Variants in KHDRBS2 observed in about 807,000 individuals in gnomAD.
The protein encoded by KHDRBS2 is KH domain-containing, RNA-binding, signal transduction-associated protein 2.
A neutral mutation model predicts 44.3 loss-of-function variants in KHDRBS2; 26 were observed. That is an observed-to-expected ratio of 0.59 (90% confidence interval 0.43 to 0.81). The LOEUF is 0.81. Among genes scored for constraint, KHDRBS2 ranks in the 40% least tolerant of loss-of-function variants. The probability of loss-of-function intolerance (pLI) is 0.00; values close to 1 mark genes in which losing one functional copy is unlikely to be tolerated. For missense variants in KHDRBS2, 476 were observed against 433.1 expected (o/e 1.10, Z -0.88); for synonymous variants, 194 against 151.1 (o/e 1.28, Z -2.08).
At chr6:62,271,710 A>C (rs1182290696) in intron 1 of KHDRBS2, among the ~76,000 whole-genome samples, 1 of 152,066 alleles carries the variant, frequency 6.6e-6, no homozygotes, top group Non-Finnish European at 1.5e-5. Context: ...GCTGGGTCTT[A>C]TTTAACAAAA....
chr6:61,583,421 A>G, the KHDRBS2 span, among the ~76,000 whole-genome samples: 1 of 151,810 alleles, frequency 6.6e-6, no homozygotes, highest in African/African-American at 2.4e-5. Flanking sequence ...ATATGAATAA[A>G]GCTATTATGA....
intron 6 of KHDRBS2, among the ~76,000 whole-genome samples, chr6:61,737,155 G>T (rs1162059601): frequency 2.0e-5 from 3 of 151,946 alleles, no homozygotes; most frequent in Admixed American, 6.6e-5. Flanking sequence ...TATTTATGAA[G>T]AATATCTTTA....
the KHDRBS2 span, among the ~76,000 whole-genome samples, chr6:61,656,576 G>A: frequency 6.6e-6 from 1 of 151,922 alleles, no homozygotes. Context: ...GTGGTGTGCT[G>A]GTAAACTGGC....
chr6:61,721,992 T>C (rs1419532046), intron 7 of KHDRBS2, among the ~76,000 whole-genome samples: 3 of 149,492 alleles, frequency 2.0e-5, no homozygotes, highest in Non-Finnish European at 3.0e-5. Context: ...GCATGAAGAG[T>C]TGTTGAATTT....
intron 7 of KHDRBS2, among the ~76,000 whole-genome samples, chr6:61,714,023 C>A (rs1770966062): frequency 6.6e-6 from 1 of 151,722 alleles, no homozygotes; most frequent in East Asian, 1.9e-4. Flanking sequence ...GCACAGGTAA[C>A]AAAAACAGAA....
chr6:61,718,540 T>C (rs530861600), intron 7 of KHDRBS2, among the ~76,000 whole-genome samples: 1 of 152,086 alleles, frequency 6.6e-6, no homozygotes, highest in African/African-American at 2.4e-5. Flanking sequence ...GGATGACTAA[T>C]GGCAACACCG....
At chr6:62,009,100 T>C (rs1779813642) in intron 3 of KHDRBS2, among the ~76,000 whole-genome samples, 1 of 152,136 alleles carries the variant, frequency 6.6e-6, no homozygotes, top group Non-Finnish European at 1.5e-5. Context: ...TGGAACTCCC[T>C]AGAGACTTGT....
chr6:61,875,489 C>T (rs965767027), intron 6 of KHDRBS2, among the ~76,000 whole-genome samples: 2 of 152,100 alleles, frequency 1.3e-5, no homozygotes, highest in Non-Finnish European at 2.9e-5. Context: ...TGACACTTTT[C>T]AGAAATTATA....
chr6:61,735,146 T>A (rs1775129846), intron 6 of KHDRBS2, among the ~76,000 whole-genome samples: 1 of 151,980 alleles, frequency 6.6e-6, no homozygotes, highest in East Asian at 1.9e-4. Context: ...TTTTCATTTT[T>A]TTGGTGATAA....
At chr6:62,071,866 A>T (rs1239697050) in intron 2 of KHDRBS2, among the ~76,000 whole-genome samples, 2 of 152,126 alleles carry the variant, frequency 1.3e-5, no homozygotes, top group African/African-American at 4.8e-5. Flanking sequence ...AGTTTTTTCC[A>T]ATTCTGTGAA....
intron 6 of KHDRBS2, among the ~76,000 whole-genome samples, chr6:61,752,601 T>C (rs893093122): frequency 2.0e-5 from 3 of 150,356 alleles, no homozygotes; most frequent in Admixed American, 1.3e-4. Context: ...AAAAACCTAA[T>C]TATTTCACTT....
the KHDRBS2 span, among the ~76,000 whole-genome samples, chr6:61,574,115 T>C: frequency 6.6e-6 from 1 of 152,136 alleles, no homozygotes; most frequent in Non-Finnish European, 1.5e-5. Flanking sequence ...TTACTCCTAC[T>C]GTTAACCCAA....
intron 4 of KHDRBS2, among the ~76,000 whole-genome samples, chr6:61,949,756 T>C (rs1172316662): frequency 6.6e-6 from 1 of 152,042 alleles, no homozygotes. Context: ...AAAAGAATAA[T>C]GCATATCAAC....
At chr6:61,625,073 C>T in the KHDRBS2 span, among the ~76,000 whole-genome samples, 2 of 151,890 alleles carry the variant, frequency 1.3e-5, no homozygotes, top group African/African-American at 2.4e-5. Flanking sequence ...GAGAGGTATG[C>T]GTGTGGAATC....
At chr6:61,820,521 CAGTT>C (rs1450586655) in intron 6 of KHDRBS2, among the ~76,000 whole-genome samples, 3 of 151,948 alleles carry the variant, frequency 2.0e-5, no homozygotes, top group Non-Finnish European at 4.4e-5. Context: ...CTATTTTAAG[CAGTT>C]AGTCAGATTA....
chr6:61,938,306 C>T (rs2127373004), intron 4 of KHDRBS2, among the ~76,000 whole-genome samples: 1 of 152,146 alleles, frequency 6.6e-6, no homozygotes, highest in African/African-American at 2.4e-5. Context: ...AGTTAGAAAT[C>T]TTAACTTGCT....
the KHDRBS2 span, among the ~76,000 whole-genome samples, chr6:61,596,641 T>A: frequency 2.6e-5 from 4 of 152,104 alleles, no homozygotes; most frequent in East Asian, 1.9e-4. Context: ...CTTCTTTTTT[T>A]AATTTAATTT....
intron 3 of KHDRBS2, among the ~76,000 whole-genome samples, chr6:62,033,678 A>T (rs2127294134): frequency 6.6e-6 from 1 of 151,400 alleles, no homozygotes; most frequent in African/African-American, 2.4e-5. Flanking sequence ...GCATATAGAT[A>T]TTATATATGC....
At chr6:61,593,389 G>A in the KHDRBS2 span, among the ~76,000 whole-genome samples, 1 of 151,682 alleles carries the variant, frequency 6.6e-6, no homozygotes. Flanking sequence ...AAAAATTTAG[G>A]ATTTAGTCTA....
Sources: gnomAD v4.1 joint callset for allele counts (sites outside exome capture counted in the v4.1 genomes callset) on GRCh38, gnomAD v4.1.1 for gene constraint, MANE v1.5 for transcripts, NCBI Gene and HGNC (gene_info 2026-07-23, HGNC 2026-07-21) for gene names.